Variants in CENPE observed in about 807,000 individuals in gnomAD.
The protein encoded by CENPE is centromere protein E.
CENPE carries 145 observed loss-of-function variants against 336.1 expected under a neutral mutation model. The ratio of observed to expected loss-of-function variants is 0.43; its 90% CI spans 0.38 to 0.50. CENPE has a LOEUF of 0.50. Among genes scored for constraint, CENPE ranks in the 20% least tolerant of loss-of-function variants. The pLI, the probability that CENPE is intolerant of heterozygous loss-of-function variation, is 0.00. For synonymous variants in CENPE, 1,013 were observed against 984.8 expected, an observed-to-expected ratio of 1.03 and a Z score of -0.54; for missense variants, 2,719 against 3,023.3, an observed-to-expected ratio of 0.90 and a Z score of 2.36.
chr4:103,155,829 T>C (rs1753918157), intron 24 of CENPE, among the ~76,000 whole-genome samples: 1 of 152,184 alleles, frequency 6.6e-6, no homozygotes, highest in South Asian at 2.1e-4. Context: ...AATGTACAGA[T>C]ATTTATTTAT....
chr4:103,180,487 G>A lies in CENPE; in HGVS notation c.1084-18C>T. ...AAAGAAACCTATAGAATGCAATATTGGATTATGTTAATAATAAATGTGGCT... is the reference window on the plus strand; with the variant it reads ...AAAGAAACCTATAGAATGCAATATTAGATTATGTTAATAATAAATGTGGCT... On this transcript the variant is annotated intron_variant, in intron 12 of 48. Transcript: ENST00000265148. 3.2e-6 allele frequency: 5 copies of A among 1,555,294 alleles called. No individual in the cohort carries two copies. Among genetic ancestry groups the A allele is most frequent in the East Asian group, 2.3e-5 (1 of 43,854 alleles).
At chr4:103,156,444 G>A (rs964016666) in intron 24 of CENPE, among the ~76,000 whole-genome samples, 5 of 152,142 alleles carry the variant, frequency 3.3e-5, no homozygotes, top group African/African-American at 1.2e-4. Context: ...TATGGTCACA[G>A]TATCTTCAAC....
Position 103,149,282 on chromosome 4 carries a change from C to A in CENPE, c.3523G>T (p.Glu1175Ter). 1 of 1,612,800 alleles carries A rather than the reference C, an allele frequency of 6.2e-7. No individual in the cohort carries two copies. Among genetic ancestry groups the A allele is most frequent in the South Asian group, 1.1e-5 (1 of 90,848 alleles). ...TCAAGCCTCTCTGTTTCCATATGTT[C>A]CAATGTCAATTCTTTGTTCTTTAAT... is the stretch of plus-strand genomic sequence containing the variant. Reference protein sequence around the residue: ...NELKNKELTLEHMETERLELA... With the variant: ...NELKNKELTL The change falls in exon 27 of 49, where the codon GAA (glutamate) becomes TAA (stop). Residue 1175 changes from glutamate (E) to a stop codon, truncating the protein, a stop_gained. Transcript: ENST00000265148. LOFTEE classifies it high-confidence loss of function.
chr4:103,135,501 C>A (rs570309659), intron 40 of CENPE, among the ~76,000 whole-genome samples: 1 of 152,184 alleles, frequency 6.6e-6, no homozygotes, highest in Non-Finnish European at 1.5e-5. Context: ...TCAATTATTT[C>A]GACCTACTAT....
chr4:103,145,131 T>C lies in CENPE; in HGVS notation c.4776A>G (p.Lys1592=). ...QEEIQIMIKE[K]EEMKRVQEAL... is the part of the protein sequence containing the mutation. ...CCTCCTGTACTCTTTTCATTTCCTC[T>C]TTTTCCTTAATCATAATTTGTATTT... Residue 1592 remains lysine, a synonymous_variant, in exon 32 of 49, where the codon AAA becomes AAG. Coordinates refer to ENST00000265148, the MANE Select transcript of CENPE (RefSeq NM_001813.3). 2 of 1,612,188 alleles carry C rather than the reference T, an allele frequency of 1.2e-6. No homozygotes were observed. The highest frequency in any genetic ancestry group is 1.7e-6 in the Non-Finnish European group (2 of 1,179,198).
In CENPE at chr4:103,160,291, ATAC is replaced by A. The variant is rs1047085894; in HGVS notation, c.2286+331_2286+333del. 3.9e-5 allele frequency among the ~76,000 whole-genome samples: 6 copies of A among 151,980 alleles called. No individual in the cohort carries two copies. In the East Asian group the frequency reaches 7.7e-4, roughly 20 times the overall value. ...TTACTGTCTTTTATTCAACATAATG[ATAC>A]TACTACTACCAAAAAAAATGGTAAA... On this transcript the variant is annotated intron_variant, in intron 21 of 48. Transcript: ENST00000265148.
chr4:103,188,154 A>G (rs1206548507), intron 8 of CENPE, among the ~76,000 whole-genome samples: 4 of 152,222 alleles, frequency 2.6e-5, no homozygotes, highest in Non-Finnish European at 5.9e-5. Flanking sequence ...GCAAGTCCTC[A>G]GAGACCTACA....
intron 46 of CENPE, 32 bp from the exon 47 acceptor site, chr4:103,111,043 AT>A (rs1373275759): frequency 6.9e-7 from 1 of 1,456,098 alleles, no homozygotes; most frequent in Non-Finnish European, 9.3e-7. Context: ...ATAGGTGATA[AT>A]TTTAATTGTC....
intron 16 of CENPE, among the ~76,000 whole-genome samples, chr4:103,170,489 C>G (rs1297061812): frequency 6.6e-6 from 1 of 152,042 alleles, no homozygotes; most frequent in Non-Finnish European, 1.5e-5. Flanking sequence ...ACCTGCATAA[C>G]TGTAAGACTT....
At chr4:103,147,016 G>A (rs1753112183) in intron 29 of CENPE, among the ~76,000 whole-genome samples, 1 of 152,166 alleles carries the variant, frequency 6.6e-6, no homozygotes, top group South Asian at 2.1e-4. Context: ...AAGCACAGTA[G>A]TGCTTTATGA....
intron 41 of CENPE, 110 bp downstream of exon 41, chr4:103,133,585 G>A (rs1049700862): frequency 1.2e-5 from 9 of 755,036 alleles, no homozygotes; most frequent in African/African-American, 8.9e-5. Context: ...ACTCTGCAAC[G>A]TATTTTTAAT....
chr4:103,110,086 T>C (rs1400043285), intron 47 of CENPE, among the ~76,000 whole-genome samples: 1 of 152,202 alleles, frequency 6.6e-6, no homozygotes, highest in African/African-American at 2.4e-5. Context: ...TCATTTTTCA[T>C]ATCTATTCTG....
Position 103,133,757 on chromosome 4 carries a change from C to T in CENPE, c.6658G>A (p.Asp2220Asn). Residue 2220 changes from aspartate to asparagine, a missense_variant, in exon 41 of 49, where the codon GAT becomes AAT. This residue lies in a region of CENPE where 2,437 missense variants were observed against 2,513.3 expected (regional missense o/e 0.97). Transcript: ENST00000265148. The stretch of plus-strand genomic sequence containing the variant: ...TCCCTTAATTCTCTGGATGGTACAT[C>T]ACAATCTTGTTGAAGGTGCTGTATT... ...IKIQHLQQDC[D>N]VPSRELRDLK... 6.2e-7 allele frequency: 1 copy of T among 1,612,274 alleles called. No homozygotes were observed. The highest frequency in any genetic ancestry group is 8.5e-7 in the Non-Finnish European group (1 of 1,178,936).
Position 103,105,834 on chromosome 4 carries a change from G to C in CENPE, c.*388C>G, listed in dbSNP as rs1339008254. On this transcript the variant is annotated 3_prime_UTR_variant, in exon 49 of 49. Coordinates refer to ENST00000265148, the MANE Select transcript of CENPE (RefSeq NM_001813.3). The stretch of plus-strand genomic sequence containing the variant: ...GATTCAGAACTACTAAACATTTATT[G>C]AATGTGTAAGGTATTAAAAACATTT... 1 of 152,764 alleles carries C rather than the reference G, an allele frequency of 6.5e-6. No homozygotes were observed. The highest frequency in any genetic ancestry group is 1.5e-5 in the Non-Finnish European group (1 of 68,486). 9.5% of individuals were successfully genotyped at this position (152,764 alleles called of 1,614,324 possible).
At chr4:103,173,448 G>A (rs1309321223) in intron 16 of CENPE, among the ~76,000 whole-genome samples, 1 of 150,710 alleles carries the variant, frequency 6.6e-6, no homozygotes, top group Admixed American at 6.6e-5. Flanking sequence ...CATTGGTCAG[G>A]ACAAGGAATT....
At position 103,110,798 on chromosome 4, in the gene CENPE, T is replaced by A. The variant is rs770128194; in HGVS notation, c.7724+30A>T. 4.0e-6 allele frequency: 6 copies of A among 1,518,174 alleles called. No individual in the cohort carries two copies. The Admixed American group carries it at 1.2e-4, about 31-fold the overall frequency. 94.0% of individuals were successfully genotyped at this position (1,518,174 alleles called of 1,614,324 possible). A position where few individuals can be genotyped will look rare whatever the true frequency, so the allele number is the denominator to read the frequency against. Reference sequence around the variant, plus strand: ...TACATATATGTAATAGCCGTAAGCATAATATCCGTATCATGTAAGCAGATC... The same window carrying A: ...TACATATATGTAATAGCCGTAAGCAAAATATCCGTATCATGTAAGCAGATC... On this transcript the variant is annotated intron_variant, in intron 47 of 48. Coordinates refer to ENST00000265148, the MANE Select transcript of CENPE (RefSeq NM_001813.3).
chr4:103,147,058 T>C (rs1370214989), intron 29 of CENPE, among the ~76,000 whole-genome samples: 1 of 152,108 alleles, frequency 6.6e-6, no homozygotes, highest in African/African-American at 2.4e-5. Flanking sequence ...AAAAAGAAAA[T>C]AAAACAATCT....
At chr4:103,112,440 CATATACTTATATATACATATCTATACAT>C (rs1298168240) in intron 46 of CENPE, among the ~76,000 whole-genome samples, 10 of 144,786 alleles carry the variant, frequency 6.9e-5, no homozygotes, top group Admixed American at 6.3e-4. Flanking sequence ...CTTATACATA[CATATACTTATATATACATATCTATACAT>C]ATATACTTAT....
intron 32 of CENPE, 140 bp downstream of exon 32, chr4:103,144,910 T>C: frequency 8.5e-6 from 6 of 708,608 alleles, no homozygotes; most frequent in South Asian, 7.8e-5. Context: ...CAGTTGAATA[T>C]AAGCAGTTTT....
Sources: gnomAD v4.1 joint callset for allele counts (sites outside exome capture counted in the v4.1 genomes callset) on GRCh38, gnomAD v4.1.1 for gene constraint, gnomAD v4.1.1 regional missense constraint, MANE v1.5 for transcripts, NCBI Gene and HGNC (gene_info 2026-07-23, HGNC 2026-07-21) for gene names.